The following RGS6 variants were observed in gnomAD, a reference collection of about 807,000 sequenced individuals.
RGS6 encodes regulator of G-protein signaling 6.
Under a neutral mutation model 78.5 loss-of-function variants are expected in RGS6, and 30 were observed. That is an observed-to-expected ratio of 0.38 (90% CI 0.29 to 0.52). The LOEUF is 0.52. Among genes scored for constraint, RGS6 ranks in the 20% least tolerant of loss-of-function variants. The pLI is 0.85. For missense variants in RGS6, 495 were observed against 609.7 expected, an observed-to-expected ratio of 0.81 and a Z score of 1.98; for synonymous variants, 206 against 206.0, an observed-to-expected ratio of 1.00 and a Z score of 0.00.
intron 3 of RGS6, among the ~76,000 whole-genome samples, chr14:72,370,791 A>G (rs2083367344): frequency 6.6e-6 from 1 of 152,234 alleles, no homozygotes; most frequent in Non-Finnish European, 1.5e-5. Context: ...ATTTCTTCTT[A>G]GCACTTTTCT....
intron 2 of RGS6, among the ~76,000 whole-genome samples, chr14:72,242,223 G>T (rs1380137580): frequency 6.6e-6 from 1 of 152,136 alleles, no homozygotes; most frequent in Non-Finnish European, 1.5e-5. Flanking sequence ...AAAGGTGAAG[G>T]GGGCAATTAG....
At chr14:72,018,869 A>G (rs1301266285) in intron 2 of RGS6, among the ~76,000 whole-genome samples, 1 of 152,156 alleles carries the variant, frequency 6.6e-6, no homozygotes, top group African/African-American at 2.4e-5. Context: ...GGCACCTGGT[A>G]ATTTCTTCTT....
At chr14:72,448,143 G>T (rs1051191403) in intron 3 of RGS6, among the ~76,000 whole-genome samples, 1 of 152,232 alleles carries the variant, frequency 6.6e-6, no homozygotes, top group Non-Finnish European at 1.5e-5. Flanking sequence ...AAGAAATGGA[G>T]ATCAGGGCAG....
In RGS6 at chr14:72,565,190, G is replaced by A. The variant is rs1403224640; in HGVS notation, c.*2723G>A. The A allele has an allele frequency of 1.3e-5, 2 of 151,302 alleles. No individual in the cohort carries two copies. Among genetic ancestry groups the A allele is most frequent in the African/African-American group, 4.8e-5 (2 of 41,358 alleles). The allele number at this position is 151,302 out of a possible 1,614,324, so 9.4% of individuals were successfully genotyped here. A position where few individuals can be genotyped will look rare whatever the true frequency, so the allele number is the denominator to read the frequency against. The stretch of plus-strand genomic sequence containing the variant: ...GCCTTAGCCTCCCTGACTGGGTGTG[G>A]TCTCTGGGCCTAGGACTCCTCCCTA... On this transcript the variant is annotated 3_prime_UTR_variant, in exon 18 of 18. Coordinates refer to ENST00000553525, the MANE Select transcript of RGS6 (RefSeq NM_001204424.2).
chr14:72,418,185 G>A (rs1433919975), intron 3 of RGS6, among the ~76,000 whole-genome samples: 1 of 138,164 alleles, frequency 7.2e-6, no homozygotes. Flanking sequence ...TTTTTTTTTT[G>A]AGCCTGAATC....
At chr14:72,399,343 T>G (rs1307287150) in intron 3 of RGS6, among the ~76,000 whole-genome samples, 1 of 152,200 alleles carries the variant, frequency 6.6e-6, no homozygotes, top group Non-Finnish European at 1.5e-5. Flanking sequence ...TATCTGAGAC[T>G]AGGATTGCAA....
intron 3 of RGS6, among the ~76,000 whole-genome samples, chr14:72,392,441 C>G (rs555617669): frequency 1.3e-5 from 2 of 152,166 alleles, no homozygotes; most frequent in African/African-American, 4.8e-5. Context: ...TCTCTGGGTG[C>G]TATAGTTGTC....
At chr14:71,970,228 G>A (rs758965491) in intron 2 of RGS6, among the ~76,000 whole-genome samples, 1 of 152,068 alleles carries the variant, frequency 6.6e-6, no homozygotes, top group African/African-American at 2.4e-5. Context: ...ATGAAATAGG[G>A]GTTTTAGAGG....
At chr14:72,320,409 T>C (rs1288934229) in intron 2 of RGS6, among the ~76,000 whole-genome samples, 1 of 151,234 alleles carries the variant, frequency 6.6e-6, no homozygotes, top group Non-Finnish European at 1.5e-5. Context: ...AAACCACATC[T>C]CTACCAAAAA....
chr14:71,959,196 T>C (rs1014747038), intron 1 of RGS6, among the ~76,000 whole-genome samples: 2 of 152,198 alleles, frequency 1.3e-5, no homozygotes, highest in Non-Finnish European at 2.9e-5. Flanking sequence ...TTTAGAGCTG[T>C]TGTTCTTCCT....
rs555919825 is a variant in RGS6, at chr14:72,050,938, T to C, written c.84+86063T>C. 3.9e-5 allele frequency among the ~76,000 whole-genome samples: 6 copies of C among 152,322 alleles called. No homozygotes were observed. In the South Asian group the frequency reaches 1.2e-3, roughly 32 times the overall value. Reference sequence around the variant, plus strand: ...TGAGGGGCGACTGGATTGTTTCACTTTTGTAGAGGCATATGGGAGTTAGGC... The same window carrying C: ...TGAGGGGCGACTGGATTGTTTCACTCTTGTAGAGGCATATGGGAGTTAGGC... On this transcript the variant is annotated intron_variant, in intron 2 of 17. Transcript: ENST00000553525.
chr14:71,954,346 G>C (rs564896372), intron 1 of RGS6, among the ~76,000 whole-genome samples: 1 of 151,344 alleles, frequency 6.6e-6, no homozygotes, highest in African/African-American at 2.4e-5. Flanking sequence ...TGAATATTCT[G>C]CTCTGGTTTT....
At chr14:72,479,575 A>G (rs2096322832) in intron 12 of RGS6, among the ~76,000 whole-genome samples, 1 of 152,144 alleles carries the variant, frequency 6.6e-6, no homozygotes, top group African/African-American at 2.4e-5. Flanking sequence ...TGCTTTTTCT[A>G]TGCAAATGTG....
intron 3 of RGS6, among the ~76,000 whole-genome samples, chr14:72,385,103 C>T (rs922073779): frequency 2.0e-5 from 3 of 152,114 alleles, no homozygotes; most frequent in East Asian, 1.9e-4. Context: ...CTTTCCTAAA[C>T]TTGGTCTGCT....
chr14:72,251,621 A>G (rs2055802612), intron 2 of RGS6, among the ~76,000 whole-genome samples: 1 of 152,200 alleles, frequency 6.6e-6, no homozygotes, highest in Admixed American at 6.5e-5. Flanking sequence ...ACAGAACAAC[A>G]GATGCCACAT....
At chr14:72,051,012 T>C (rs1425815698) in intron 2 of RGS6, among the ~76,000 whole-genome samples, 3 of 152,232 alleles carry the variant, frequency 2.0e-5, no homozygotes, top group Admixed American at 2.0e-4. Flanking sequence ...TGGGGTTTTT[T>C]GTTTGTATTT....
chr14:72,010,818 A>T (rs141078815), intron 2 of RGS6, among the ~76,000 whole-genome samples: 7 of 152,318 alleles, frequency 4.6e-5, no homozygotes, highest in African/African-American at 1.7e-4. Flanking sequence ...AAGGAACGTG[A>T]TGTTAACTAG....
At chr14:72,208,846 A>G (rs1253257778) in intron 2 of RGS6, among the ~76,000 whole-genome samples, 2 of 152,236 alleles carry the variant, frequency 1.3e-5, no homozygotes, top group Non-Finnish European at 2.9e-5. Context: ...ATCAGAAAGC[A>G]TAATTGCTTT....
intron 2 of RGS6, among the ~76,000 whole-genome samples, chr14:72,123,107 T>C (rs997360662): frequency 6.6e-6 from 1 of 152,076 alleles, no homozygotes; most frequent in Non-Finnish European, 1.5e-5. Flanking sequence ...GCTGGGATTA[T>C]AGGTATGCAC....
Sources: gnomAD v4.1 joint callset for allele counts (sites outside exome capture counted in the v4.1 genomes callset) on GRCh38, gnomAD v4.1.1 for gene constraint, MANE v1.5 for transcripts, NCBI Gene and HGNC (gene_info 2026-07-23, HGNC 2026-07-21) for gene names.